Variants in TENT4B observed in about 807,000 individuals in gnomAD.
The protein encoded by TENT4B is PAP associated domain containing 5.
A neutral mutation model predicts 75.0 loss-of-function variants in TENT4B; 10 were observed. The ratio of observed to expected loss-of-function variants is 0.13; its 90% CI spans 0.08 to 0.23. The LOEUF is 0.23. TENT4B is among the 10% of genes least tolerant of loss of function. TENT4B has a pLI of 1.00. For missense variants in TENT4B, 579 were observed against 893.8 expected (o/e 0.65, Z 4.49); for synonymous variants, 350 against 357.7 (o/e 0.98, Z 0.24).
intron 1 of TENT4B, among the ~76,000 whole-genome samples, chr16:50,169,741 G>A (rs551908278): frequency 1.6e-3 from 243 of 152,292 alleles, no homozygotes; most frequent in African/African-American, 5.3e-3. Context: ...GCAGGTCACA[G>A]GAAAGTGAAG....
intron 1 of TENT4B, among the ~76,000 whole-genome samples, chr16:50,184,526 G>A (rs1485604261): frequency 6.6e-6 from 1 of 152,156 alleles, no homozygotes; most frequent in Non-Finnish European, 1.5e-5. Flanking sequence ...AATTAGCCGG[G>A]CGTGGTGGCG....
At chr16:50,213,133 C>T (rs2031377058) in intron 2 of TENT4B, among the ~76,000 whole-genome samples, 1 of 152,036 alleles carries the variant, frequency 6.6e-6, no homozygotes, top group Admixed American at 6.6e-5. Flanking sequence ...GATCTCAGCT[C>T]ACTGCAGCCT....
chr16:50,197,416 G>A (rs937291217), intron 1 of TENT4B, among the ~76,000 whole-genome samples: 1 of 152,122 alleles, frequency 6.6e-6, no homozygotes, highest in South Asian at 2.1e-4. Flanking sequence ...AGCCTCCTGC[G>A]TAGCTGGGAC....
At position 50,234,611 on chromosome 16, in the gene TENT4B, G is replaced by T. The variant is rs2032391603; in HGVS notation, c.*5283G>T. 1.0e-6 allele frequency: 1 copy of T among 984,432 alleles called. No individual in the cohort carries two copies. Among genetic ancestry groups the T allele is most frequent in the Admixed American group, 6.2e-5 (1 of 16,248 alleles). 61.0% of individuals were successfully genotyped at this position (984,432 alleles called of 1,614,324 possible). ...AATTTTAAGATCCTCTCTGATTTTTGCATATTGAAACTTACAGAAGTCACT... is the reference window on the plus strand; with the variant it reads ...AATTTTAAGATCCTCTCTGATTTTTTCATATTGAAACTTACAGAAGTCACT... On this transcript the variant is annotated 3_prime_UTR_variant, in exon 12 of 12. Coordinates refer to ENST00000561678, the MANE Select transcript of TENT4B (RefSeq NM_001365324.3).
In TENT4B at chr16:50,231,270, T is replaced by A. The variant is rs1053550877; in HGVS notation, c.*1942T>A. On this transcript the variant is annotated 3_prime_UTR_variant, in exon 12 of 12. Coordinates refer to ENST00000561678, the MANE Select transcript of TENT4B (RefSeq NM_001365324.3). Reference sequence around the variant, plus strand: ...GATGTTGAGCTTTTGTTTTTGAAACTAGTTTGTCATAACATTGTGCATAAT... The same window carrying A: ...GATGTTGAGCTTTTGTTTTTGAAACAAGTTTGTCATAACATTGTGCATAAT... The A allele has an allele frequency of 7.1e-6, 7 of 985,356 alleles. No homozygotes were observed. Among genetic ancestry groups the A allele is most frequent in the Non-Finnish European group, 8.4e-6 (7 of 829,448 alleles). 61.0% of individuals were successfully genotyped at this position (985,356 alleles called of 1,614,324 possible).
intron 1 of TENT4B, among the ~76,000 whole-genome samples, chr16:50,167,115 GGGGTGTCCAATCTTTT>G (rs2038115926): frequency 6.6e-6 from 1 of 152,114 alleles, no homozygotes; most frequent in East Asian, 1.9e-4. Flanking sequence ...ATTCTAGATC[GGGGTGTCCAATCTTTT>G]GACTTCCCTG....
At chr16:50,214,434 T>C in intron 3 of TENT4B, among the ~76,000 whole-genome samples, 167 bp downstream of exon 3, 1 of 152,040 alleles carries the variant, frequency 6.6e-6, no homozygotes, top group Non-Finnish European at 1.5e-5. Flanking sequence ...GGAGGGTGGA[T>C]CATTTGAGGT....
intron 1 of TENT4B, among the ~76,000 whole-genome samples, chr16:50,207,379 C>T (rs2031040832): frequency 6.6e-6 from 1 of 151,914 alleles, no homozygotes; most frequent in South Asian, 2.1e-4. Context: ...GATGGGGTTT[C>T]ACTATGTCAT....
At chr16:50,173,924 C>G (rs954581486) in intron 1 of TENT4B, among the ~76,000 whole-genome samples, 3 of 151,376 alleles carry the variant, frequency 2.0e-5, no homozygotes, top group Non-Finnish European at 4.4e-5. Context: ...GAACTCCTGA[C>G]CTTAGGTGAT....
intron 1 of TENT4B, among the ~76,000 whole-genome samples, chr16:50,195,493 T>TA (rs1307048752): frequency 6.6e-6 from 1 of 152,166 alleles, no homozygotes; most frequent in Non-Finnish European, 1.5e-5. Flanking sequence ...AGTGAGCCCA[T>TA]AGCAGAGTCC....
intron 5 of TENT4B, 54 bp from the exon 6 acceptor site, chr16:50,222,252 C>G: frequency 1.3e-6 from 2 of 1,504,744 alleles, no homozygotes; most frequent in Non-Finnish European, 1.8e-6. Flanking sequence ...CCTCTTAATG[C>G]TTAGATCTGT....
chr16:50,185,935 A>G (rs2038517656), intron 1 of TENT4B, among the ~76,000 whole-genome samples: 1 of 152,132 alleles, frequency 6.6e-6, no homozygotes, highest in African/African-American at 2.4e-5. Flanking sequence ...ACATTACATA[A>G]ATGGTGTAAT....
intron 1 of TENT4B, among the ~76,000 whole-genome samples, chr16:50,172,557 G>A (rs1043582447): frequency 1.3e-5 from 2 of 150,996 alleles, no homozygotes; most frequent in African/African-American, 2.4e-5. Context: ...AATTGAGCAG[G>A]AGTACATAGT....
In TENT4B at chr16:50,231,928, A is replaced by G. The variant is rs752543443; in HGVS notation, c.*2600A>G. ...ACTTCCTATATTTTGTGAATATATC[A>G]GAAATGTGTCATTTATATATTAGAG... is the stretch of plus-strand genomic sequence containing the variant. On this transcript the variant is annotated 3_prime_UTR_variant, in exon 12 of 12. Transcript: ENST00000561678. 5.8e-5 allele frequency: 57 copies of G among 978,998 alleles called. No homozygotes were observed. Among genetic ancestry groups the G allele is most frequent in the Non-Finnish European group, 6.9e-5 (57 of 824,068 alleles). 60.6% of individuals were successfully genotyped at this position (978,998 alleles called of 1,614,324 possible). A position where few individuals can be genotyped will look rare whatever the true frequency, so the allele number is the denominator to read the frequency against.
intron 4 of TENT4B, 72 bp downstream of exon 4, chr16:50,216,267 T>C: frequency 6.4e-7 from 1 of 1,560,074 alleles, no homozygotes; most frequent in African/African-American, 1.4e-5. Context: ...AATTAAAGTT[T>C]GGTGAGCACA....
At chr16:50,207,069 T>TC (rs2031021598) in intron 1 of TENT4B, among the ~76,000 whole-genome samples, 1 of 141,386 alleles carries the variant, frequency 7.1e-6, no homozygotes, top group African/African-American at 2.7e-5. Context: ...TTGCTCTCTC[T>TC]TTTTTTTTTT....
At chr16:50,185,071 C>T (rs990680222) in intron 1 of TENT4B, among the ~76,000 whole-genome samples, 13 of 152,102 alleles carry the variant, frequency 8.5e-5, no homozygotes, top group East Asian at 1.9e-4. Context: ...GTTATTTCCA[C>T]CCTGATACTC....
chr16:50,216,503 G>C (rs2031561748), intron 4 of TENT4B, among the ~76,000 whole-genome samples: 1 of 152,060 alleles, frequency 6.6e-6, no homozygotes, highest in South Asian at 2.1e-4. Context: ...GTAGAGACGG[G>C]GTTTCACCGT....
intron 1 of TENT4B, among the ~76,000 whole-genome samples, chr16:50,170,712 G>C (rs2067035013): frequency 6.6e-6 from 1 of 151,936 alleles, no homozygotes; most frequent in Non-Finnish European, 1.5e-5. Flanking sequence ...TGTCATCCAG[G>C]CTGGAGTGCA....
Sources: allele counts gnomAD v4.1 joint callset (sites outside exome capture counted in the v4.1 genomes callset), GRCh38; gene constraint gnomAD v4.1.1; transcripts MANE v1.5; gene names NCBI Gene and HGNC (gene_info 2026-07-23, HGNC 2026-07-21).